The following BFSP1 variants were observed in gnomAD, a reference collection of about 807,000 sequenced individuals.
The protein encoded by BFSP1 is beaded filament structural protein 1, also known as filensin.
In BFSP1, 38 loss-of-function variants were observed where a neutral mutation model predicts 43.9. The ratio of observed to expected loss-of-function variants is 0.87; its 90% CI spans 0.67 to 1.14. The LOEUF is 1.14. Ranked by LOEUF, BFSP1 falls within the 50% of genes most tolerant of loss-of-function variation. BFSP1 has a pLI of 0.00. For missense variants in BFSP1, 850 were observed against 875.1 expected, an observed-to-expected ratio of 0.97 and a Z score of 0.36; for synonymous variants, 352 against 354.8, an observed-to-expected ratio of 0.99 and a Z score of 0.09.
At chr20:17,535,997 G>A (rs915051820), upstream of BFSP1, among the ~76,000 whole-genome samples, 11 of 151,806 alleles carry the variant, frequency 7.2e-5, no homozygotes, top group East Asian at 1.2e-3. Context: ...CACTGGTCTC[G>A]AACTCCCTGC....
At chr20:17,514,142 T>C (rs543955045) in intron 3 of BFSP1, among the ~76,000 whole-genome samples, 4 of 152,318 alleles carry the variant, frequency 2.6e-5, no homozygotes, top group Admixed American at 6.5e-5. Flanking sequence ...TTCACCCACG[T>C]CACTGCTGGG....
Position 17,494,909 on chromosome 20 carries a change from T to C in BFSP1, c.1163A>G (p.Asp388Gly), listed in dbSNP as rs918268133. 6.2e-7 allele frequency: 1 copy of C among 1,614,116 alleles called. No homozygotes were observed. The highest frequency in any genetic ancestry group is 1.3e-5 in the African/African-American group (1 of 74,940). ...GTCTTCCAAACCTTTTAATGGTGCA[T>C]CTTCCAGAGCTCCGTTGGTTTTGTC... ...TKDKTNGALEDAPLKGLEDTK... is the reference protein window; with the variant it reads ...TKDKTNGALEGAPLKGLEDTK... The change falls in exon 8 of 8, where the codon GAT (aspartate) becomes GGT (glycine). Residue 388 changes from aspartate to glycine, a missense_variant. Physicochemically the swap from Asp to Gly is moderately conservative, Grantham distance 94 (BLOSUM62 -1). Transcript: ENST00000377873.
chr20:17,497,702 A>G (rs2033689353), intron 6 of BFSP1, among the ~76,000 whole-genome samples: 1 of 151,400 alleles, frequency 6.6e-6, no homozygotes, highest in African/African-American at 2.4e-5. Flanking sequence ...ACACACACAC[A>G]TCATATATAA....
At chr20:17,540,520 T>TGAG (rs2034698417) in intron 1 of BFSP1, among the ~76,000 whole-genome samples, 1 of 152,082 alleles carries the variant, frequency 6.6e-6, no homozygotes, top group South Asian at 2.1e-4. Context: ...CCCCCGCTGT[T>TGAG]TACCTGGCAG....
intron 5 of BFSP1, among the ~76,000 whole-genome samples, chr20:17,499,772 A>C (rs757177438): frequency 5.2e-4 from 79 of 152,058 alleles, no homozygotes; most frequent in Non-Finnish European, 9.1e-4. Context: ...AAATACAAAA[A>C]TTAGCTGGGA....
intron 2 of BFSP1, among the ~76,000 whole-genome samples, chr20:17,520,220 C>G (rs6044859): frequency 2.0e-5 from 3 of 148,572 alleles, no homozygotes; most frequent in African/African-American, 5.0e-5. Flanking sequence ...GCCCCCCCAC[C>G]CCGCCCACCT....
rs1485233060 is a variant in BFSP1 at position 17,494,253 on chromosome 20, T to C, written c.1819A>G (p.Ser607Gly). 6.2e-7 allele frequency: 1 copy of C among 1,614,202 alleles called. No homozygotes were observed. Residue 607 changes from serine (S) to glycine (G), a missense_variant, in exon 8 of 8, where the codon AGC (serine) becomes GGC (glycine). By Grantham distance (56) the Ser-to-Gly change is moderately conservative. Coordinates refer to ENST00000377873, the MANE Select transcript of BFSP1 (RefSeq NM_001195.5). ...GAEVLGTRSR[S>G]LPEKGPPKAL... is the part of the protein sequence containing the mutation. ...TTGGGAGGGCCTTTTTCTGGCAGGC[T>C]TCTGCTCCTAGTCCCAAGCACCTCA...
intron 2 of BFSP1, among the ~76,000 whole-genome samples, chr20:17,515,066 A>G (rs1259707238): frequency 6.6e-6 from 1 of 152,176 alleles, no homozygotes; most frequent in Non-Finnish European, 1.5e-5. Flanking sequence ...CAGTGTCTAG[A>G]GACATTTTTA....
intron 4 of BFSP1, 116 bp downstream of exon 4, chr20:17,511,860 T>C: frequency 1.4e-6 from 1 of 720,132 alleles, no homozygotes; most frequent in East Asian, 2.6e-5. Context: ...AAGGCAGGAG[T>C]GGGGAGTGGA....
At chr20:17,512,278 C>G (rs1163054921) in intron 3 of BFSP1, among the ~76,000 whole-genome samples, 1 of 152,200 alleles carries the variant, frequency 6.6e-6, no homozygotes, top group Non-Finnish European at 1.5e-5. Flanking sequence ...TTCCTGGCAC[C>G]TCAGTCTCCT....
At chr20:17,520,822 T>C (rs2034306579) in intron 2 of BFSP1, among the ~76,000 whole-genome samples, 1 of 152,220 alleles carries the variant, frequency 6.6e-6, no homozygotes, top group Non-Finnish European at 1.5e-5. Flanking sequence ...GCCCTGAAGG[T>C]AGGGCTTCAT....
intron 1 of BFSP1, among the ~76,000 whole-genome samples, chr20:17,540,429 G>A (rs140172726): frequency 9.9e-5 from 15 of 152,062 alleles, no homozygotes; most frequent in African/African-American, 3.6e-4. Context: ...GTATATTAAT[G>A]TATGCAGGAA....
upstream of BFSP1, among the ~76,000 whole-genome samples, chr20:17,563,366 C>T (rs560625547): frequency 1.2e-3 from 166 of 137,810 alleles, no homozygotes; most frequent in African/African-American, 4.1e-3. Flanking sequence ...CCCTCCCTCC[C>T]TCCCTTCCTA....
At chr20:17,531,386 G>A, upstream of BFSP1, 4 of 1,272,450 alleles carry the variant, frequency 3.1e-6, no homozygotes, top group Non-Finnish European at 4.0e-6. Context: ...GGAGGCCCCC[G>A]GCGCAGCCCG....
At chr20:17,519,671 C>G (rs898259405) in intron 2 of BFSP1, among the ~76,000 whole-genome samples, 1 of 152,206 alleles carries the variant, frequency 6.6e-6, no homozygotes, top group Non-Finnish European at 1.5e-5. Flanking sequence ...TGGGTCCCAT[C>G]AGTTAAATCT....
upstream of BFSP1, among the ~76,000 whole-genome samples, chr20:17,535,776 A>G (rs1290586823): frequency 6.6e-6 from 1 of 152,216 alleles, no homozygotes; most frequent in East Asian, 1.9e-4. Flanking sequence ...TCACCTTTGC[A>G]GTATAGACAT....
At chr20:17,529,070 T>TGA (rs986547877) in intron 1 of BFSP1, among the ~76,000 whole-genome samples, 1 of 150,200 alleles carries the variant, frequency 6.7e-6, no homozygotes, top group African/African-American at 2.5e-5. Context: ...AATAAGTGTG[T>TGA]GTGTGTGTGT....
At chr20:17,547,232 G>T (rs964748063) in intron 1 of BFSP1, among the ~76,000 whole-genome samples, 1 of 151,606 alleles carries the variant, frequency 6.6e-6, no homozygotes, top group African/African-American at 2.4e-5. Flanking sequence ...TATATATGAG[G>T]GAGGAAGTCT....
Position 17,494,177 on chromosome 20 carries a change from G to A in BFSP1, c.1895C>T (p.Ser632Phe), listed in dbSNP as rs372721824. Residue 632 changes from serine (S) to phenylalanine (F), a missense_variant, in exon 8 of 8, where the codon TCC becomes TTC. Ser to Phe is a radical substitution (Grantham distance 155). Transcript: ENST00000377873. Reference protein sequence around the residue: ...VEVVESIEKISTESIQTYEET... With the variant: ...VEVVESIEKIFTESIQTYEET... ...TTCATATGTCTGAATGCTCTCCGTG[G>A]AAATCTTCTCGATAGATTCCACCAC... is the stretch of plus-strand genomic sequence containing the variant. 1 of 1,614,118 alleles carries A rather than the reference G, an allele frequency of 6.2e-7. No homozygotes were observed. Among genetic ancestry groups the A allele is most frequent in the Non-Finnish European group, 8.5e-7 (1 of 1,180,042 alleles).
Sources: allele counts gnomAD v4.1 joint callset (sites outside exome capture counted in the v4.1 genomes callset), GRCh38; gene constraint gnomAD v4.1.1; transcripts MANE v1.5; gene names NCBI Gene and HGNC (gene_info 2026-07-23, HGNC 2026-07-21).